Variants in GRID1 observed in about 807,000 individuals in gnomAD.
GRID1 encodes the protein glutamate ionotropic receptor delta type subunit 1.
Under a neutral mutation model 98.0 loss-of-function variants are expected in GRID1, and 28 were observed. The observed-to-expected ratio is 0.29, with a 90% CI of 0.21 to 0.39. GRID1 has a LOEUF of 0.39. GRID1 is among the 10% of genes least tolerant of loss of function. The pLI is 1.00. For synonymous variants in GRID1, 553 were observed against 538.5 expected, an observed-to-expected ratio of 1.03 and a Z score of -0.37; for missense variants, 1,111 against 1,340.5, an observed-to-expected ratio of 0.83 and a Z score of 2.67.
At chr10:85,857,744 T>C (rs573383959) in intron 6 of GRID1, among the ~76,000 whole-genome samples, 2 of 152,308 alleles carry the variant, frequency 1.3e-5, no homozygotes, top group African/African-American at 2.4e-5. Context: ...TAGGAGATCA[T>C]GTCAGCCTCA....
chr10:85,771,259 G>T (rs1374518899), intron 8 of GRID1, among the ~76,000 whole-genome samples: 9 of 152,182 alleles, frequency 5.9e-5, no homozygotes, highest in Non-Finnish European at 4.4e-5. Flanking sequence ...ATACTTTACA[G>T]ACAAGCAAAT....
At chr10:86,346,919 G>C (rs929841454) in intron 2 of GRID1, among the ~76,000 whole-genome samples, 6 of 152,186 alleles carry the variant, frequency 3.9e-5, no homozygotes, top group Non-Finnish European at 8.8e-5. Flanking sequence ...CTGAAACCAG[G>C]TACAAGAGCA....
At chr10:86,005,202 C>A (rs950428051) in intron 4 of GRID1, among the ~76,000 whole-genome samples, 1 of 152,114 alleles carries the variant, frequency 6.6e-6, no homozygotes, top group African/African-American at 2.4e-5. Flanking sequence ...AGTTCTCCTG[C>A]AGAAGACTCT....
At chr10:85,875,200 A>T (rs1215913613) in intron 5 of GRID1, among the ~76,000 whole-genome samples, 8 of 152,068 alleles carry the variant, frequency 5.3e-5, no homozygotes, top group Non-Finnish European at 1.2e-4. Context: ...TATTCGTTAC[A>T]CACAGTATAG....
intron 2 of GRID1, among the ~76,000 whole-genome samples, chr10:86,339,377 G>A (rs1250834775): frequency 6.6e-6 from 1 of 152,224 alleles, no homozygotes; most frequent in Non-Finnish European, 1.5e-5. Context: ...GGATTGGCAC[G>A]GGCCTGCCCA....
chr10:85,648,896 C>G (rs1449475439), intron 12 of GRID1, among the ~76,000 whole-genome samples: 1 of 152,226 alleles, frequency 6.6e-6, no homozygotes, highest in Non-Finnish European at 1.5e-5. Flanking sequence ...CAAGCAAGGG[C>G]TCTGGAGTCC....
intron 4 of GRID1, among the ~76,000 whole-genome samples, chr10:85,962,706 C>A: frequency 6.6e-6 from 1 of 152,200 alleles, no homozygotes; most frequent in East Asian, 1.9e-4. Context: ...AGGGCTATGA[C>A]AACTGAACAC....
intron 8 of GRID1, among the ~76,000 whole-genome samples, chr10:85,779,228 A>G (rs1293818243): frequency 2.0e-5 from 3 of 152,030 alleles, no homozygotes; most frequent in Admixed American, 1.3e-4. Context: ...GCTGTTTCTC[A>G]GTCTACGAAG....
intron 2 of GRID1, among the ~76,000 whole-genome samples, chr10:86,208,372 C>A (rs987158158): frequency 3.3e-5 from 5 of 152,136 alleles, no homozygotes; most frequent in Admixed American, 3.3e-4. Flanking sequence ...CTGCTGAGTT[C>A]TCTCCTAAAC....
At chr10:86,177,125 C>T (rs979282748) in intron 3 of GRID1, among the ~76,000 whole-genome samples, 8 of 151,938 alleles carry the variant, frequency 5.3e-5, no homozygotes, top group African/African-American at 9.7e-5. Context: ...CGACCTCCCC[C>T]GAGAGAGATG....
chr10:85,616,423 G>C (rs1590160624), intron 14 of GRID1, among the ~76,000 whole-genome samples: 5 of 152,302 alleles, frequency 3.3e-5, no homozygotes, highest in Admixed American at 3.3e-4. Flanking sequence ...TTCTGGCCCA[G>C]GGGATGGTGA....
At chr10:86,244,821 T>C (rs1846695570) in intron 2 of GRID1, among the ~76,000 whole-genome samples, 1 of 152,260 alleles carries the variant, frequency 6.6e-6, no homozygotes, top group African/African-American at 2.4e-5. Flanking sequence ...ATGTAAATTA[T>C]GTGGGTTGAG....
intron 4 of GRID1, among the ~76,000 whole-genome samples, chr10:85,935,711 TA>T (rs1168003055): frequency 6.6e-6 from 1 of 152,228 alleles, no homozygotes; most frequent in Non-Finnish European, 1.5e-5. Flanking sequence ...TCAATTCCTT[TA>T]ATCCCCTCAG....
intron 8 of GRID1, among the ~76,000 whole-genome samples, chr10:85,820,603 T>A (rs905216786): frequency 1.3e-5 from 2 of 152,170 alleles, no homozygotes; most frequent in African/African-American, 2.4e-5. Flanking sequence ...TTGTGTGAGA[T>A]GTTAAAAATA....
intron 8 of GRID1, among the ~76,000 whole-genome samples, chr10:85,839,726 G>C (rs1564606197): frequency 6.6e-6 from 1 of 151,850 alleles, no homozygotes; most frequent in Non-Finnish European, 1.5e-5. Context: ...AGAACCAAAA[G>C]CAAACAGATC....
At chr10:85,958,352 A>G (rs989443540) in intron 4 of GRID1, among the ~76,000 whole-genome samples, 1 of 152,132 alleles carries the variant, frequency 6.6e-6, no homozygotes, top group Non-Finnish European at 1.5e-5. Context: ...TACAATACCC[A>G]TCTGTCACCT....
intron 4 of GRID1, among the ~76,000 whole-genome samples, chr10:86,091,841 C>A (rs183952424): frequency 6.6e-6 from 1 of 152,158 alleles, no homozygotes; most frequent in African/African-American, 2.4e-5. Context: ...ATACCAGCCC[C>A]GAGCCGGGTA....
intron 8 of GRID1, among the ~76,000 whole-genome samples, chr10:85,767,219 G>C (rs1286800039): frequency 1.3e-5 from 2 of 152,136 alleles, no homozygotes; most frequent in African/African-American, 4.8e-5. Context: ...AGGAAATGTA[G>C]AGCCAAGTTG....
intron 12 of GRID1, among the ~76,000 whole-genome samples, chr10:85,666,103 G>A (rs1041069928): frequency 6.6e-6 from 1 of 152,148 alleles, no homozygotes. Flanking sequence ...TTTTGTAAAC[G>A]TCCTCTGATA....
Sources: gnomAD v4.1 joint callset for allele counts (sites outside exome capture counted in the v4.1 genomes callset) on GRCh38, gnomAD v4.1.1 for gene constraint, MANE v1.5 for transcripts, NCBI Gene and HGNC (gene_info 2026-07-23, HGNC 2026-07-21) for gene names.